Variants in NANOGNB observed in about 807,000 individuals in gnomAD.
NANOGNB encodes the protein homeobox C14.
A neutral mutation model predicts 25.0 loss-of-function variants in NANOGNB; 30 were observed. That is an observed-to-expected ratio of 1.20 (90% CI 0.90 to 1.63). The LOEUF (loss-of-function observed/expected upper bound fraction) is 1.63. Among genes scored for constraint, NANOGNB ranks in the 40% most tolerant of loss-of-function variants. The probability of loss-of-function intolerance (pLI) is 0.00; values close to 1 mark genes in which losing one functional copy is unlikely to be tolerated. For synonymous variants in NANOGNB, 84 were observed against 62.1 expected (o/e 1.35, Z -1.66); for missense variants, 200 against 188.1 (o/e 1.06, Z -0.37).
chr12:7,766,366 A>G (rs1030090339), intron 1 of NANOGNB, among the ~76,000 whole-genome samples: 7 of 152,090 alleles, frequency 4.6e-5, no homozygotes, highest in African/African-American at 1.7e-4. Flanking sequence ...CCAGCTACTC[A>G]GGAGGCTGAG....
chr12:7,765,569 C>CAAAAAAGA (rs1865238517), intron 1 of NANOGNB, among the ~76,000 whole-genome samples, 182 bp downstream of exon 1: 1 of 48,672 alleles, frequency 2.1e-5, no homozygotes, highest in East Asian at 5.0e-4. Flanking sequence ...GACTCCGTCT[C>CAAAAAAGA]AAAAAAAAAA....
At chr12:7,773,546 CAAAAA>C (rs869038102) in intron 3 of NANOGNB, among the ~76,000 whole-genome samples, 11 of 15,440 alleles carry the variant, frequency 7.1e-4, no homozygotes, top group South Asian at 5.7e-3. Flanking sequence ...ACTAAAAATA[CAAAAA>C]AAAAAAAAAA....
At position 7,773,850 on chromosome 12, in the gene NANOGNB, G is replaced by T. The variant is rs1471546293; in HGVS notation, c.566G>T (p.Ter189LeuextTer25). 4 of 606,400 alleles carry T rather than the reference G, an allele frequency of 6.6e-6. No individual in the cohort carries two copies. Among genetic ancestry groups the T allele is most frequent in the South Asian group, 5.3e-5 (3 of 56,748 alleles). The allele number at this position is 606,400 out of a possible 1,614,324, so 37.6% of individuals were successfully genotyped here. A position where few individuals can be genotyped will look rare whatever the true frequency, so the allele number is the denominator to read the frequency against. Residue 189 changes from the stop codon to leucine (L), a stop_lost, in exon 4 of 4, where the codon TGA (stop) becomes TTA (leucine). Coordinates refer to ENST00000382119, the MANE Select transcript of NANOGNB (RefSeq NM_001145465.1). ...TGGTCTCGAACTCCTGCCCTCAAGT[G>T]ATCTTCCTATTTTGGCCTCCAGAAA... ...QGWSRTPALK[*>L]
At chr12:7,771,983 G>C (rs2120521024) in intron 3 of NANOGNB, among the ~76,000 whole-genome samples, 1 of 152,210 alleles carries the variant, frequency 6.6e-6, no homozygotes, top group East Asian at 1.9e-4. Context: ...GCAGAACAAT[G>C]AACACTGGTT....
At chr12:7,766,639 A>G (rs1466332231) in intron 1 of NANOGNB, among the ~76,000 whole-genome samples, 1 of 151,288 alleles carries the variant, frequency 6.6e-6, no homozygotes, top group Non-Finnish European at 1.5e-5. Context: ...GAGTGGCACA[A>G]TCTCAACTAA....
intron 1 of NANOGNB, among the ~76,000 whole-genome samples, chr12:7,768,657 G>T (rs192514300): frequency 6.6e-6 from 1 of 151,184 alleles, no homozygotes; most frequent in Non-Finnish European, 1.5e-5. Flanking sequence ...CTCAGCCTCC[G>T]GAGTAGCTGG....
chr12:7,771,990 G>C (rs769906735), intron 3 of NANOGNB, among the ~76,000 whole-genome samples: 2 of 152,178 alleles, frequency 1.3e-5, no homozygotes, highest in African/African-American at 4.8e-5. Context: ...AATGAACACT[G>C]GTTACCAACA....
At chr12:7,772,141 A>G (rs1862573801) in intron 3 of NANOGNB, among the ~76,000 whole-genome samples, 1 of 152,210 alleles carries the variant, frequency 6.6e-6, no homozygotes, top group African/African-American at 2.4e-5. Flanking sequence ...CCATGGGTGG[A>G]GCAATGCTTT....
intron 3 of NANOGNB, among the ~76,000 whole-genome samples, chr12:7,772,400 C>T (rs984206663): frequency 5.9e-5 from 9 of 151,836 alleles, no homozygotes; most frequent in African/African-American, 2.2e-4. Context: ...GCCCCAGCCT[C>T]CTGAGTAGCT....
At chr12:7,766,118 C>T (rs1865242338) in intron 1 of NANOGNB, 4 of 398,520 alleles carry the variant, frequency 1.0e-5, no homozygotes, top group African/African-American at 2.1e-5. Flanking sequence ...GGAGAATAAA[C>T]TCTTTCAATG....
chr12:7,769,499 T>G (rs1201681485), intron 1 of NANOGNB, among the ~76,000 whole-genome samples: 1 of 152,110 alleles, frequency 6.6e-6, no homozygotes, highest in Non-Finnish European at 1.5e-5. Flanking sequence ...ATTTTTGTAT[T>G]TTTAGTAGAG....
intron 1 of NANOGNB, among the ~76,000 whole-genome samples, chr12:7,765,751 A>T (rs557061107): frequency 9.2e-4 from 140 of 152,096 alleles, no homozygotes; most frequent in Non-Finnish European, 1.8e-3. Flanking sequence ...GAGAGGCCTG[A>T]GTGGGTCAGC....
chr12:7,770,853 C>A (rs1433053597), intron 3 of NANOGNB, among the ~76,000 whole-genome samples: 1 of 152,148 alleles, frequency 6.6e-6, no homozygotes, highest in Non-Finnish European at 1.5e-5. Context: ...CTCAGGTGAT[C>A]CACCAGCCTG....
intron 3 of NANOGNB, among the ~76,000 whole-genome samples, chr12:7,771,202 A>G (rs960830412): frequency 1.3e-5 from 2 of 152,154 alleles, no homozygotes; most frequent in Non-Finnish European, 2.9e-5. Context: ...TAAGGACAGT[A>G]TCAACAGCTT....
chr12:7,770,570 T>A, intron 3 of NANOGNB, 52 bp downstream of exon 3: 2 of 1,171,872 alleles, frequency 1.7e-6, no homozygotes, highest in Middle Eastern at 2.8e-4. Flanking sequence ...ATATATTGAC[T>A]TCCGGAGTTG....
At chr12:7,765,569 C>CAAAAAAAAAAAA (rs1187331161) in intron 1 of NANOGNB, among the ~76,000 whole-genome samples, 182 bp downstream of exon 1, 28 of 48,664 alleles carry the variant, frequency 5.8e-4, no homozygotes, top group Middle Eastern at 0.011. Context: ...GACTCCGTCT[C>CAAAAAAAAAAAA]AAAAAAAAAA....
chr12:7,766,310 C>CA, intron 1 of NANOGNB: 1 of 390,412 alleles, frequency 2.6e-6, no homozygotes. Flanking sequence ...CCATCTCCAC[C>CA]AAAAATACAA....
chr12:7,773,544 T>TAAA (rs1358984559), intron 3 of NANOGNB, among the ~76,000 whole-genome samples: 1 of 6,260 alleles, frequency 1.6e-4, no homozygotes, highest in Non-Finnish European at 3.9e-4. Context: ...CTACTAAAAA[T>TAAA]ACAAAAAAAA....
chr12:7,771,333 G>A (rs1413601647), intron 3 of NANOGNB, among the ~76,000 whole-genome samples: 1 of 151,984 alleles, frequency 6.6e-6, no homozygotes, highest in Non-Finnish European at 1.5e-5. Context: ...CCATTCTCCT[G>A]CCTCAGCCTC....
Sources: allele counts gnomAD v4.1 joint callset (sites outside exome capture counted in the v4.1 genomes callset), GRCh38; gene constraint gnomAD v4.1.1; transcripts MANE v1.5; gene names NCBI Gene and HGNC (gene_info 2026-07-23, HGNC 2026-07-21).